Variants in LDB2 observed in about 807,000 individuals in gnomAD.
LDB2 encodes LIM domain-binding protein 2.
LDB2 carries 12 observed loss-of-function variants against 44.3 expected under a neutral mutation model. That is an observed-to-expected ratio of 0.27 (90% confidence interval 0.17 to 0.44). The LOEUF is 0.44. Ranked by LOEUF, LDB2 falls within the 20% of genes least tolerant of loss-of-function variation. LDB2 has a pLI of 1.00. For synonymous variants in LDB2, 164 were observed against 174.8 expected (o/e 0.94, Z 0.49); for missense variants, 344 against 473.5 (o/e 0.73, Z 2.54).
intron 1 of LDB2, among the ~76,000 whole-genome samples, chr4:16,890,152 G>A (rs976443667): frequency 2.6e-5 from 4 of 152,166 alleles, no homozygotes; most frequent in Admixed American, 6.5e-5. Flanking sequence ...GAAGCCCTCC[G>A]TGGCTCCAGT....
chr4:16,647,251 A>G (rs1185696273), intron 2 of LDB2, among the ~76,000 whole-genome samples: 2 of 152,242 alleles, frequency 1.3e-5, no homozygotes, highest in Non-Finnish European at 2.9e-5. Flanking sequence ...AATGTCCAGA[A>G]TAGGCAAATC....
At chr4:16,597,688 A>G (rs1056305364) in intron 2 of LDB2, among the ~76,000 whole-genome samples, 7 of 152,204 alleles carry the variant, frequency 4.6e-5, no homozygotes, top group Admixed American at 3.9e-4. Flanking sequence ...ATGGCAAATA[A>G]CCACCATTGG....
chr4:16,705,615 T>C (rs914500202), intron 2 of LDB2, among the ~76,000 whole-genome samples: 7 of 152,206 alleles, frequency 4.6e-5, no homozygotes, highest in Admixed American at 3.3e-4. Context: ...AAGAAAAATA[T>C]AGAGGCTTTT....
rs150302361 is a variant in LDB2, at chr4:16,712,420, C to A, written c.235+46738G>T. On this transcript the variant is annotated intron_variant, in intron 2 of 7. Transcript: ENST00000304523. ...TTTGAAAATTAGCTGGGCATGGTGGCAAGCGCCTGTAGTCCCGGCTACTTG... is the reference window on the plus strand; with the variant it reads ...TTTGAAAATTAGCTGGGCATGGTGGAAAGCGCCTGTAGTCCCGGCTACTTG... 9.2e-3 allele frequency among the ~76,000 whole-genome samples: 1,405 copies of A among 152,120 alleles called. 27 individuals are homozygous for A. Among genetic ancestry groups the A allele is most frequent in the African/African-American group, 0.032 (1,309 of 41,482 alleles).
chr4:16,549,549 T>C (rs1736909535), intron 5 of LDB2, among the ~76,000 whole-genome samples: 1 of 152,238 alleles, frequency 6.6e-6, no homozygotes, highest in African/African-American at 2.4e-5. Context: ...AATAGTCTCC[T>C]GACTGGCCTT....
intron 1 of LDB2, among the ~76,000 whole-genome samples, chr4:16,760,975 C>G (rs1163186341): frequency 1.3e-5 from 2 of 151,960 alleles, no homozygotes; most frequent in African/African-American, 4.8e-5. Context: ...CCTACTTAAT[C>G]CACAGTACGA....
chr4:16,615,379 G>C (rs371229061), intron 2 of LDB2, among the ~76,000 whole-genome samples: 1 of 152,286 alleles, frequency 6.6e-6, no homozygotes, highest in African/African-American at 2.4e-5. Flanking sequence ...TGATAGACTG[G>C]ATAAAGAAAA....
chr4:16,690,188 C>G (rs941519313), intron 2 of LDB2, among the ~76,000 whole-genome samples: 2 of 151,984 alleles, frequency 1.3e-5, no homozygotes, highest in African/African-American at 4.8e-5. Flanking sequence ...AATGCTACAC[C>G]AGCTATTGCC....
At chr4:16,842,779 C>T (rs779528215) in intron 1 of LDB2, among the ~76,000 whole-genome samples, 56 of 152,084 alleles carry the variant, frequency 3.7e-4, no homozygotes, top group African/African-American at 7.0e-4. Flanking sequence ...GAGCGATTTG[C>T]GTAGTAGTTA....
At chr4:16,667,263 G>A (rs980236003) in intron 2 of LDB2, among the ~76,000 whole-genome samples, 3 of 152,180 alleles carry the variant, frequency 2.0e-5, no homozygotes, top group Non-Finnish European at 4.4e-5. Context: ...GTCTCTCAAT[G>A]TTTCCCAAGC....
At chr4:16,593,777 C>T (rs1188582852) in intron 3 of LDB2, among the ~76,000 whole-genome samples, 1 of 152,132 alleles carries the variant, frequency 6.6e-6, no homozygotes, top group East Asian at 1.9e-4. Flanking sequence ...AATCACTCAA[C>T]CATCTGAGAG....
chr4:16,677,365 T>A (rs2152564502), intron 2 of LDB2, among the ~76,000 whole-genome samples: 1 of 152,280 alleles, frequency 6.6e-6, no homozygotes, highest in Admixed American at 6.5e-5. Flanking sequence ...GTATTCACAA[T>A]CAACAAAACA....
At chr4:16,738,911 G>A (rs1178174462) in intron 2 of LDB2, among the ~76,000 whole-genome samples, 3 of 152,162 alleles carry the variant, frequency 2.0e-5, no homozygotes, top group Non-Finnish European at 4.4e-5. Context: ...TTTAATGAGA[G>A]GGGCAGTTTA....
At chr4:16,863,333 C>T (rs1430735166) in intron 1 of LDB2, among the ~76,000 whole-genome samples, 2 of 152,162 alleles carry the variant, frequency 1.3e-5, no homozygotes, top group African/African-American at 4.8e-5. Context: ...TAAACACCAG[C>T]TTATTTAAGT....
At chr4:16,589,274 C>A (rs1294403107) in intron 3 of LDB2, among the ~76,000 whole-genome samples, 1 of 152,160 alleles carries the variant, frequency 6.6e-6, no homozygotes, top group Non-Finnish European at 1.5e-5. Context: ...GTGTGAGTTA[C>A]TACAACTTGA....
chr4:16,674,126 G>A, intron 2 of LDB2: 1 of 711,788 alleles, frequency 1.4e-6, no homozygotes, highest in Non-Finnish European at 2.1e-6. Flanking sequence ...AGATTTCCCT[G>A]AGAATATTTC....
At chr4:16,643,219 A>G (rs1345790375) in intron 2 of LDB2, among the ~76,000 whole-genome samples, 1 of 152,126 alleles carries the variant, frequency 6.6e-6, no homozygotes, top group Non-Finnish European at 1.5e-5. Flanking sequence ...TCCTAATTCC[A>G]ATGGAGGCTC....
At chr4:16,660,347 A>G (rs1741215755) in intron 2 of LDB2, among the ~76,000 whole-genome samples, 1 of 152,192 alleles carries the variant, frequency 6.6e-6, no homozygotes, top group African/African-American at 2.4e-5. Context: ...TCACAGGCTC[A>G]CTGAAACTCA....
intron 1 of LDB2, among the ~76,000 whole-genome samples, chr4:16,867,613 TACTTAAAGAATCATTA>T (rs1432268492): frequency 6.6e-6 from 1 of 152,202 alleles, no homozygotes; most frequent in Non-Finnish European, 1.5e-5. Context: ...GAGATATAGC[TACTTAAAGAATCATTA>T]ACTTGAGATG....
Sources: allele counts gnomAD v4.1 joint callset (sites outside exome capture counted in the v4.1 genomes callset), GRCh38; gene constraint gnomAD v4.1.1; transcripts MANE v1.5; gene names NCBI Gene and HGNC (gene_info 2026-07-23, HGNC 2026-07-21).